GRM5: variants seen among roughly 807,000 people sequenced by gnomAD.
GRM5 encodes metabotropic glutamate receptor 5.
Under a neutral mutation model 83.1 loss-of-function variants are expected in GRM5, and 19 were observed. The observed-to-expected ratio is 0.23, with a 90% CI of 0.16 to 0.34. The LOEUF is 0.34. Among genes scored for constraint, GRM5 ranks in the 10% least tolerant of loss-of-function variants. The pLI, the probability that GRM5 is intolerant of heterozygous loss-of-function variation, is 1.00. For synonymous variants in GRM5, 675 were observed against 633.6 expected (o/e 1.07, Z -0.98); for missense variants, 1,160 against 1,588.3 (o/e 0.73, Z 4.58).
intron 8 of GRM5, among the ~76,000 whole-genome samples, chr11:88,530,595 T>C (rs1161902155): frequency 1.3e-5 from 2 of 152,072 alleles, no homozygotes; most frequent in Non-Finnish European, 2.9e-5. Flanking sequence ...TAATTTTCCA[T>C]TATTATTTGG....
intron 9 of GRM5, among the ~76,000 whole-genome samples, chr11:88,522,603 C>CTCTGTGTGTGTGTGTG (rs1206475339): frequency 1.3e-4 from 17 of 127,294 alleles, no homozygotes; most frequent in African/African-American, 4.8e-4. Context: ...CTCTCTCTCT[C>CTCTGTGTGTGTGTGTG]TGTGTGTGTG....
chr11:88,934,946 A>C (rs1937844372), intron 2 of GRM5, among the ~76,000 whole-genome samples: 1 of 151,910 alleles, frequency 6.6e-6, no homozygotes, highest in Non-Finnish European at 1.5e-5. Context: ...GTGAAGCAAC[A>C]GGAAAGGGCA....
chr11:88,957,217 G>T (rs1359520028), intron 2 of GRM5, among the ~76,000 whole-genome samples: 1 of 152,128 alleles, frequency 6.6e-6, no homozygotes, highest in Non-Finnish European at 1.5e-5. Context: ...GGATGCTTCC[G>T]ATGAAAAAAC....
intron 1 of GRM5, among the ~76,000 whole-genome samples, chr11:89,064,642 C>T (rs1166909871): frequency 6.6e-6 from 1 of 151,992 alleles, no homozygotes; most frequent in Non-Finnish European, 1.5e-5. Flanking sequence ...AGATCCTCTA[C>T]ATTGTTCAAT....
At chr11:89,027,230 G>A (rs1226682239) in intron 2 of GRM5, among the ~76,000 whole-genome samples, 2 of 151,856 alleles carry the variant, frequency 1.3e-5, no homozygotes, top group African/African-American at 4.8e-5. Context: ...CAAGTAACTG[G>A]GACTACAGGT....
Position 88,505,192 on chromosome 11 carries a change from T to C in GRM5, c.*3400A>G, listed in dbSNP as rs986410425. 2 of 152,194 alleles carry C rather than the reference T, an allele frequency of 1.3e-5. No homozygotes were observed. Among genetic ancestry groups the C allele is most frequent in the African/African-American group, 4.8e-5 (2 of 41,448 alleles). The allele number at this position is 152,194 out of a possible 1,614,324, so 9.4% of individuals were successfully genotyped here. On this transcript the variant is annotated 3_prime_UTR_variant, in exon 10 of 10. Coordinates refer to ENST00000305447, the MANE Select transcript of GRM5 (RefSeq NM_001143831.3). ...ATCTGTATTTTTTCACAGTATAAAATTGTAAATGGTAACTATAGAGATTCT... is the reference window on the plus strand; with the variant it reads ...ATCTGTATTTTTTCACAGTATAAAACTGTAAATGGTAACTATAGAGATTCT...
intron 2 of GRM5, among the ~76,000 whole-genome samples, chr11:88,992,978 C>T (rs950042781): frequency 5.9e-5 from 9 of 151,342 alleles, no homozygotes; most frequent in Admixed American, 6.6e-5. Context: ...AACAAACCTG[C>T]ACGTTGTGCA....
rs1941137010 is a variant in GRM5, at chr11:88,504,702, C to T, written c.*3890G>A. 1 of 151,766 alleles carries T rather than the reference C, an allele frequency of 6.6e-6. No homozygotes were observed. Among genetic ancestry groups the T allele is most frequent in the Non-Finnish European group, 1.5e-5 (1 of 67,902 alleles). The allele number at this position is 151,766 out of a possible 1,614,324, so 9.4% of individuals were successfully genotyped here. A position where few individuals can be genotyped will look rare whatever the true frequency, so the allele number is the denominator to read the frequency against. On this transcript the variant is annotated 3_prime_UTR_variant, in exon 10 of 10. Coordinates refer to ENST00000305447, the MANE Select transcript of GRM5 (RefSeq NM_001143831.3). The stretch of plus-strand genomic sequence containing the variant: ...AGTGCTAAAATAAAACATATTTATA[C>T]AAGTACAAAGCAAAACAATGCTGAT...
At chr11:88,841,804 G>A (rs1451481883) in intron 3 of GRM5, among the ~76,000 whole-genome samples, 4 of 151,924 alleles carry the variant, frequency 2.6e-5, no homozygotes, top group Non-Finnish European at 5.9e-5. Flanking sequence ...AAGGTTCACA[G>A]TATTGCAAAA....
At chr11:88,742,959 T>C (rs1942058921) in intron 3 of GRM5, among the ~76,000 whole-genome samples, 1 of 152,076 alleles carries the variant, frequency 6.6e-6, no homozygotes, top group African/African-American at 2.4e-5. Context: ...CATGCAGAAA[T>C]GGCATCAAGG....
At chr11:88,951,835 G>A (rs1317804000) in intron 2 of GRM5, among the ~76,000 whole-genome samples, 1 of 152,182 alleles carries the variant, frequency 6.6e-6, no homozygotes, top group Admixed American at 6.5e-5. Flanking sequence ...CTGTTTGCAT[G>A]TGTATGTATG....
At chr11:88,531,331 G>A (rs1264841825) in intron 8 of GRM5, among the ~76,000 whole-genome samples, 1 of 152,056 alleles carries the variant, frequency 6.6e-6, no homozygotes, top group African/African-American at 2.4e-5. Flanking sequence ...ATAAGAAGGG[G>A]GGTTTAATCA....
In GRM5 at chr11:88,845,744, A is replaced by G. The variant is rs1223362530; in HGVS notation, c.911+4162T>C. ...CACCGCGCCCCCCCCCACTTTTTAT[A>G]TGAATTGGGAAAACAAAACATTTGT... On this transcript the variant is annotated intron_variant, in intron 3 of 9. Coordinates refer to ENST00000305447, the MANE Select transcript of GRM5 (RefSeq NM_001143831.3). 5.5e-5 allele frequency among the ~76,000 whole-genome samples: 8 copies of G among 145,674 alleles called. No individual in the cohort carries two copies. In the East Asian group the frequency reaches 1.4e-3, roughly 26 times the overall value.
chr11:88,645,119 C>T (rs1205743958), intron 4 of GRM5, among the ~76,000 whole-genome samples: 2 of 152,182 alleles, frequency 1.3e-5, no homozygotes. Flanking sequence ...TGCCAATGTA[C>T]TTTTACATTG....
chr11:88,855,724 A>C (rs1243462807), intron 2 of GRM5, among the ~76,000 whole-genome samples: 1 of 151,922 alleles, frequency 6.6e-6, no homozygotes, highest in Non-Finnish European at 1.5e-5. Context: ...TAAGTATTAT[A>C]ATAAATTAAA....
At chr11:88,741,666 G>C (rs879682611) in intron 3 of GRM5, among the ~76,000 whole-genome samples, 1 of 151,532 alleles carries the variant, frequency 6.6e-6, no homozygotes, top group Admixed American at 6.6e-5. Context: ...TTTCTAGTAA[G>C]GTAGTTCTTC....
intron 3 of GRM5, among the ~76,000 whole-genome samples, chr11:88,728,078 C>T (rs10765716): frequency 0.58 from 88,540 of 151,830 alleles, 27,881 homozygotes; most frequent in South Asian, 0.8. Flanking sequence ...AAAAAATCAG[C>T]GAATCCAGGA....
Position 88,513,268 on chromosome 11 carries a change from C to T in GRM5, c.2727-3764G>A, listed in dbSNP as rs140051890. 7.0e-3 allele frequency among the ~76,000 whole-genome samples: 1,066 copies of T among 152,222 alleles called. 14 individuals are homozygous for T. The highest frequency in any genetic ancestry group is 0.024 in the African/African-American group (1,009 of 41,520). ...GGCACAGATGGAGGGTTTGCTCTTTCCTATATGCCCAGTAGTACCCATGCA... is the reference window on the plus strand; with the variant it reads ...GGCACAGATGGAGGGTTTGCTCTTTTCTATATGCCCAGTAGTACCCATGCA... On this transcript the variant is annotated intron_variant, in intron 9 of 9. Transcript: ENST00000305447.
chr11:88,829,725 G>A (rs921160971), intron 3 of GRM5, among the ~76,000 whole-genome samples: 5 of 151,954 alleles, frequency 3.3e-5, no homozygotes, highest in African/African-American at 1.2e-4. Flanking sequence ...AATTGTAGTT[G>A]GATTAAATGA....
Sources: gnomAD v4.1 joint callset for allele counts (sites outside exome capture counted in the v4.1 genomes callset) on GRCh38, gnomAD v4.1.1 for gene constraint, MANE v1.5 for transcripts, NCBI Gene and HGNC (gene_info 2026-07-23, HGNC 2026-07-21) for gene names.